The following PDE1A variants were observed in gnomAD, a reference collection of about 807,000 sequenced individuals.
PDE1A encodes the protein phosphodiesterase 1A.
In PDE1A, 35 loss-of-function variants were observed where a neutral mutation model predicts 61.7. The ratio of observed to expected loss-of-function variants is 0.57; its 90% CI spans 0.43 to 0.75. PDE1A has a LOEUF of 0.75. PDE1A is among the 30% of genes least tolerant of loss of function. The probability of loss-of-function intolerance (pLI) is 0.00; values close to 1 mark genes in which losing one functional copy is unlikely to be tolerated. For synonymous variants in PDE1A, 232 were observed against 213.2 expected, an observed-to-expected ratio of 1.09 and a Z score of -0.77; for missense variants, 597 against 630.6, an observed-to-expected ratio of 0.95 and a Z score of 0.57.
At chr2:182,294,969 G>A (rs919093198) in intron 1 of PDE1A, among the ~76,000 whole-genome samples, 3 of 150,230 alleles carry the variant, frequency 2.0e-5, no homozygotes, top group African/African-American at 7.4e-5. Context: ...AGAGCTGAGT[G>A]CCCCAGTTTT....
the PDE1A span, among the ~76,000 whole-genome samples, chr2:182,625,825 C>G: frequency 6.6e-6 from 1 of 152,166 alleles, no homozygotes; most frequent in South Asian, 2.1e-4. Context: ...AAGCTCAAAC[C>G]TTGATGTCTT....
rs149033461 is a variant in PDE1A, at chr2:182,307,528, T to C, written c.54-43114A>G. 2.6e-3 allele frequency among the ~76,000 whole-genome samples: 389 copies of C among 152,274 alleles called. 4 individuals are homozygous for C. The highest frequency in any genetic ancestry group is 8.9e-3 in the African/African-American group (372 of 41,566). On this transcript the variant is annotated intron_variant, in intron 1 of 13. Transcript: ENST00000351439. ...AAGCTGTGAGTCAATGAATTTCTGT[T>C]CATTATAAATTACTCAGTCTGTGAT...
At chr2:182,357,023 A>G (rs1246782253) in intron 1 of PDE1A, among the ~76,000 whole-genome samples, 1 of 151,890 alleles carries the variant, frequency 6.6e-6, no homozygotes, top group African/African-American at 2.4e-5. Context: ...ACACACCGGG[A>G]CCTGTTGTGG....
At chr2:182,248,180 C>T (rs1026692942) in intron 2 of PDE1A, among the ~76,000 whole-genome samples, 1 of 151,046 alleles carries the variant, frequency 6.6e-6, no homozygotes, top group Non-Finnish European at 1.5e-5. Context: ...TCACTTGAAC[C>T]CAGAACCAGA....
chr2:182,465,546 C>T (rs1686603489), intron 2 of PDE1A, among the ~76,000 whole-genome samples: 1 of 151,966 alleles, frequency 6.6e-6, no homozygotes, highest in South Asian at 2.1e-4. Flanking sequence ...GTTTAGAAAG[C>T]ATTTATTTTC....
At chr2:182,568,621 C>G in the PDE1A span, among the ~76,000 whole-genome samples, 1 of 152,120 alleles carries the variant, frequency 6.6e-6, no homozygotes, top group African/African-American at 2.4e-5. Context: ...GCCGAGATCA[C>G]ACCACTGCCC....
intron 7 of PDE1A, among the ~76,000 whole-genome samples, chr2:182,213,164 C>T (rs572592711): frequency 0.029 from 4,422 of 150,478 alleles, 218 homozygotes; most frequent in African/African-American, 0.1. Flanking sequence ...CAGACTGACA[C>T]CTCACACGGC....
At chr2:182,577,343 T>C in the PDE1A span, among the ~76,000 whole-genome samples, 1 of 152,218 alleles carries the variant, frequency 6.6e-6, no homozygotes, top group African/African-American at 2.4e-5. Context: ...TAGAATAAAC[T>C]TTCTGTCCCA....
the PDE1A span, among the ~76,000 whole-genome samples, chr2:182,693,522 G>C: frequency 3.3e-5 from 5 of 151,698 alleles, no homozygotes; most frequent in African/African-American, 7.3e-5. Context: ...CTTGGTTGAT[G>C]TTGAATTATA....
the PDE1A span, among the ~76,000 whole-genome samples, chr2:182,701,538 A>G: frequency 6.6e-6 from 1 of 151,354 alleles, no homozygotes; most frequent in South Asian, 2.1e-4. Context: ...GCACCACCAC[A>G]CCAGTCTAAT....
intron 1 of PDE1A, among the ~76,000 whole-genome samples, chr2:182,387,428 GAAGA>G (rs1349681800): frequency 6.6e-6 from 1 of 150,662 alleles, no homozygotes; most frequent in Non-Finnish European, 1.5e-5. Context: ...AAAAAAAAAA[GAAGA>G]AAGAAAGAGA....
intron 4 of PDE1A, among the ~76,000 whole-genome samples, chr2:182,231,665 C>T (rs754603373): frequency 6.6e-6 from 1 of 152,210 alleles, no homozygotes; most frequent in South Asian, 2.1e-4. Context: ...CCTGTAATCC[C>T]AGCACTTTGG....
chr2:182,578,780 G>A, the PDE1A span, among the ~76,000 whole-genome samples: 1 of 152,326 alleles, frequency 6.6e-6, no homozygotes, highest in African/African-American at 2.4e-5. Context: ...AAAGGGCAAG[G>A]AATGGTAGAC....
At chr2:182,687,644 C>T in the PDE1A span, among the ~76,000 whole-genome samples, 732 of 152,314 alleles carry the variant, frequency 4.8e-3, 1 homozygote, top group Admixed American at 8.4e-3. Flanking sequence ...TCCAAAGGAA[C>T]GCAGCTCCTC....
exon 14 of PDE1A, chr2:182,168,262 C>T (rs1487933844): frequency 6.3e-7 from 1 of 1,594,316 alleles, no homozygotes; most frequent in Admixed American, 1.8e-5. Flanking sequence ...GATGAATAAA[C>T]TCACACTTCT....
intron 1 of PDE1A, among the ~76,000 whole-genome samples, chr2:182,385,276 T>C (rs1169215762): frequency 6.6e-6 from 1 of 152,152 alleles, no homozygotes; most frequent in Non-Finnish European, 1.5e-5. Flanking sequence ...TCTAATACTA[T>C]AGTGGTGATA....
At chr2:182,409,605 A>G (rs1376319552) in intron 1 of PDE1A, among the ~76,000 whole-genome samples, 2 of 152,198 alleles carry the variant, frequency 1.3e-5, no homozygotes, top group Non-Finnish European at 2.9e-5. Context: ...AAATAACCAC[A>G]TTCTTACTTC....
chr2:182,287,075 A>G (rs181481398), intron 1 of PDE1A, among the ~76,000 whole-genome samples: 2 of 152,090 alleles, frequency 1.3e-5, no homozygotes, highest in African/African-American at 2.4e-5. Context: ...AACTTGTCTC[A>G]TTCCAATCTC....
intron 13 of PDE1A, among the ~76,000 whole-genome samples, chr2:182,156,694 CTT>C (rs1332380048): frequency 6.6e-6 from 1 of 152,134 alleles, no homozygotes; most frequent in Non-Finnish European, 1.5e-5. Flanking sequence ...ATAAGATTAT[CTT>C]TTTACTACTA....
Sources: allele counts gnomAD v4.1 joint callset (sites outside exome capture counted in the v4.1 genomes callset), GRCh38; gene constraint gnomAD v4.1.1; transcripts MANE v1.5; gene names NCBI Gene and HGNC (gene_info 2026-07-23, HGNC 2026-07-21).